DNAH11: variants seen among roughly 807,000 people sequenced by gnomAD.
DNAH11 encodes the protein dynein axonemal heavy chain 11.
In DNAH11, 442 loss-of-function variants were observed where a neutral mutation model predicts 526.0. The ratio of observed to expected loss-of-function variants is 0.84; its 90% CI spans 0.78 to 0.91. The LOEUF is 0.91. DNAH11 is among the 40% of genes least tolerant of loss of function. DNAH11 has a pLI of 0.00. For synonymous variants in DNAH11, 2,461 were observed against 1,935.9 expected, an observed-to-expected ratio of 1.27 and a Z score of -7.12; for missense variants, 6,989 against 5,448.7, an observed-to-expected ratio of 1.28 and a Z score of -8.90.
intron 57 of DNAH11, among the ~76,000 whole-genome samples, chr7:21,783,285 C>T (rs865856396): frequency 6.6e-5 from 10 of 152,194 alleles, no homozygotes; most frequent in Middle Eastern, 6.8e-3. Context: ...CACATATCTA[C>T]CCCGAACCAA....
chr7:21,842,764 T>A lies in DNAH11; in HGVS notation c.10896+16T>A. On this transcript the variant is annotated intron_variant, in intron 66 of 81. Coordinates refer to ENST00000409508, the MANE Select transcript of DNAH11 (RefSeq NM_001277115.2). Reference sequence around the variant, plus strand: ...GAAACTTAAGGTAAAAATGTTTACGTCACCACCAACACTTAGTCGGCATTT... The same window carrying A: ...GAAACTTAAGGTAAAAATGTTTACGACACCACCAACACTTAGTCGGCATTT... 1 of 1,587,318 alleles carries A rather than the reference T, an allele frequency of 6.3e-7. No individual in the cohort carries two copies. Among genetic ancestry groups the A allele is most frequent in the Non-Finnish European group, 8.6e-7 (1 of 1,165,442 alleles).
At chr7:21,754,829 G>A (rs968556111) in intron 54 of DNAH11, among the ~76,000 whole-genome samples, 3 of 152,032 alleles carry the variant, frequency 2.0e-5, no homozygotes, top group African/African-American at 7.2e-5. Flanking sequence ...TAAAAAATGG[G>A]CAGTCTTTTA....
chr7:21,588,271 CTA>C (rs1784543233), intron 10 of DNAH11, 70 bp downstream of exon 10: 8 of 1,513,616 alleles, frequency 5.3e-6, no homozygotes, highest in East Asian at 4.6e-5. Flanking sequence ...AACTAGAACT[CTA>C]TGTGATTATA....
In DNAH11 at chr7:21,773,773, A is replaced by G. The variant is rs192327380; in HGVS notation, c.9110A>G (p.His3037Arg). The G allele has an allele frequency of 9.6e-4, 1,527 of 1,582,428 alleles. 1 individual carries two copies. The highest frequency in any genetic ancestry group is 9.8e-4 in the Non-Finnish European group (1,140 of 1,164,890). ...IEETKGIEPVHKDSISLFMAH... is the reference protein window; with the variant it reads ...IEETKGIEPVRKDSISLFMAH... The stretch of plus-strand genomic sequence containing the variant: ...TAATGTTTGTGTTTTCAGCCAGTGC[A>G]CAAAGACTCTATTAGCCTTTTCATG... Residue 3037 changes from histidine (H) to arginine (R), a missense_variant, in exon 56 of 82, where the codon CAC (histidine) becomes CGC (arginine). His to Arg is a conservative substitution (Grantham distance 29). Transcript: ENST00000409508.
At chr7:21,710,404 G>C (rs917117520) in intron 40 of DNAH11, 149 bp from the exon 41 acceptor site, 2 of 595,090 alleles carry the variant, frequency 3.4e-6, no homozygotes, top group Admixed American at 7.3e-5. Flanking sequence ...GGTGAATCTG[G>C]AACCCATGTG....
At chr7:21,842,067 T>A (rs759287368) in intron 65 of DNAH11, among the ~76,000 whole-genome samples, 33 of 152,214 alleles carry the variant, frequency 2.2e-4, no homozygotes, top group Non-Finnish European at 4.6e-4. Context: ...TAGAGGTGTT[T>A]GAGGCCTTTA....
chr7:21,900,971 T>C, intron 81 of DNAH11, 36 bp from the exon 82 acceptor site: 1 of 1,534,240 alleles, frequency 6.5e-7, no homozygotes, highest in Non-Finnish European at 8.8e-7. Context: ...AGTAGCAAGC[T>C]GCCACACAAT....
rs774852383 is a variant in DNAH11, at chr7:21,710,679, G to C, written c.6810G>C (p.Leu2270=). 2 of 1,612,712 alleles carry C rather than the reference G, an allele frequency of 1.2e-6. No homozygotes were observed. Among genetic ancestry groups the C allele is most frequent in the South Asian group, 2.2e-5 (2 of 90,846 alleles). The change falls in exon 41 of 82, where the codon CTG becomes CTC. Residue 2270 remains leucine, a synonymous_variant. Coordinates refer to ENST00000409508, the MANE Select transcript of DNAH11 (RefSeq NM_001277115.2). ...TTGACCCCATGTGGATTGAATCACT[G>C]AATACTGTAATGGATGATAACAAGG... ...GDIDPMWIES[L]NTVMDDNKVL... is the part of the protein sequence containing the mutation.
Position 21,655,832 on chromosome 7 carries a change from G to A in DNAH11, c.4945G>A (p.Val1649Ile). 2 of 1,611,980 alleles carry A rather than the reference G, an allele frequency of 1.2e-6. No individual in the cohort carries two copies. Among genetic ancestry groups the A allele is most frequent in the East Asian group, 2.2e-5 (1 of 44,832 alleles). The change falls in exon 29 of 82, where the codon GTA (valine) becomes ATA (isoleucine). Residue 1649 changes from valine to isoleucine, a missense_variant and splice_region_variant. Physicochemically the swap from Val to Ile is conservative, Grantham distance 29. Transcript: ENST00000409508. ...ATCTTTTCTAATATTCTCATTTTAG[G>A]TAACATGTCACCTTGCCAAACTTTT... ...ILSKGAQPKQ[V>I]TCHLAKLFDS...
At chr7:21,899,263 C>T in intron 79 of DNAH11, 73 bp from the exon 80 acceptor site, 1 of 1,245,256 alleles carries the variant, frequency 8.0e-7, no homozygotes, top group African/African-American at 1.5e-5. Flanking sequence ...CCCTAACCGC[C>T]CACAACAGAA....
intron 26 of DNAH11, among the ~76,000 whole-genome samples, chr7:21,636,972 AATTG>A (rs1466746440): frequency 1.3e-5 from 2 of 152,152 alleles, no homozygotes; most frequent in African/African-American, 2.4e-5. Flanking sequence ...ATGTAATGAT[AATTG>A]ATTGGAGAGA....
chr7:21,734,271 T>C (rs1220863885), intron 45 of DNAH11, among the ~76,000 whole-genome samples: 5 of 152,218 alleles, frequency 3.3e-5, no homozygotes, highest in Non-Finnish European at 7.3e-5. Context: ...TATGACATTA[T>C]ACATGTAAAG....
chr7:21,849,577 TATAAG>T (rs1219783459), intron 66 of DNAH11, among the ~76,000 whole-genome samples: 2 of 152,348 alleles, frequency 1.3e-5, no homozygotes, highest in African/African-American at 4.8e-5. Flanking sequence ...AGGATAATTT[TATAAG>T]ATACAAAATT....
chr7:21,556,102 C>T (rs546306315), intron 2 of DNAH11, among the ~76,000 whole-genome samples: 6 of 152,308 alleles, frequency 3.9e-5, no homozygotes, highest in Admixed American at 3.9e-4. Flanking sequence ...ACAATTCTCA[C>T]AGACGGTGCC....
intron 74 of DNAH11, among the ~76,000 whole-genome samples, chr7:21,877,874 CAAAAAAAAAAAAAAA>C (rs59694030): frequency 1.5e-5 from 1 of 66,608 alleles, no homozygotes; most frequent in African/African-American, 6.9e-5. Flanking sequence ...GACTCCATCT[CAAAAAAAAAAAAAAA>C]AAAAAAAAAG....
chr7:21,605,267 C>T (rs1374550124), intron 18 of DNAH11, among the ~76,000 whole-genome samples: 1 of 152,170 alleles, frequency 6.6e-6, no homozygotes, highest in Non-Finnish European at 1.5e-5. Context: ...GAGTTTTGCA[C>T]TTCAGCTACA....
At chr7:21,712,565 A>C (rs867365290) in intron 42 of DNAH11, among the ~76,000 whole-genome samples, 1 of 152,218 alleles carries the variant, frequency 6.6e-6, no homozygotes, top group Non-Finnish European at 1.5e-5. Context: ...AACAGTAGCC[A>C]TGCTAATGGG....
At chr7:21,768,702 T>A (rs1380780696) in intron 55 of DNAH11, among the ~76,000 whole-genome samples, 1 of 152,232 alleles carries the variant, frequency 6.6e-6, no homozygotes, top group Non-Finnish European at 1.5e-5. Flanking sequence ...GAAGGACATA[T>A]TTTACTACTG....
chr7:21,816,147 G>T (rs950077090), intron 63 of DNAH11, among the ~76,000 whole-genome samples: 6 of 152,246 alleles, frequency 3.9e-5, no homozygotes, highest in Non-Finnish European at 2.9e-5. Context: ...TATATTTCTG[G>T]TGTCCTGCCA....
Sources: gnomAD v4.1 joint callset for allele counts (sites outside exome capture counted in the v4.1 genomes callset) on GRCh38, gnomAD v4.1.1 for gene constraint, MANE v1.5 for transcripts, NCBI Gene and HGNC (gene_info 2026-07-23, HGNC 2026-07-21) for gene names.